Variants in ZFAT observed in about 807,000 individuals in gnomAD.
ZFAT encodes zinc finger protein ZFAT.
In ZFAT, 64 loss-of-function variants were observed where a neutral mutation model predicts 117.7. That is an observed-to-expected ratio of 0.54 (90% CI 0.44 to 0.67). The LOEUF (loss-of-function observed/expected upper bound fraction) is 0.67, where lower values mean the gene tolerates loss of function less well. Among genes scored for constraint, ZFAT ranks in the 30% least tolerant of loss-of-function variants. ZFAT has a pLI of 0.00. For missense variants in ZFAT, 1,433 were observed against 1,584.5 expected, an observed-to-expected ratio of 0.90 and a Z score of 1.62; for synonymous variants, 679 against 615.0, an observed-to-expected ratio of 1.10 and a Z score of -1.54.
At chr8:134,623,423 C>T (rs950388775) in intron 3 of ZFAT, among the ~76,000 whole-genome samples, 5 of 152,172 alleles carry the variant, frequency 3.3e-5, no homozygotes, top group Admixed American at 1.3e-4. Flanking sequence ...CCACGTGGGG[C>T]GGCATGCCCT....
the ZFAT span, chr8:134,798,284 C>G: frequency 6.6e-6 from 1 of 151,888 alleles, no homozygotes; most frequent in African/African-American, 2.4e-5. Context: ...CCAAAATTAT[C>G]AAAGACATCC....
At position 134,619,206 on chromosome 8, in the gene ZFAT, T is replaced by C. The variant is rs139857906; in HGVS notation, c.449-8551A>G. Among the ~76,000 whole-genome samples the C allele has an allele frequency of 1.4e-3, 218 of 152,230 alleles. 1 individual carries two copies. Among genetic ancestry groups the C allele is most frequent in the African/African-American group, 5.1e-3 (212 of 41,552 alleles). On this transcript the variant is annotated intron_variant, in intron 3 of 15. Transcript: ENST00000377838. ...TGTGCTCAGAACACTTACATTAGCC[T>C]AGAGTTGGGCAAAACCATTTCACAC...
At chr8:134,739,549 G>A in the ZFAT span, among the ~76,000 whole-genome samples, 4 of 152,144 alleles carry the variant, frequency 2.6e-5, no homozygotes, top group Non-Finnish European at 5.9e-5. Flanking sequence ...GTGTTGGAAG[G>A]CCCAGATTCA....
At chr8:134,683,634 G>A (rs1359178653) in intron 1 of ZFAT, among the ~76,000 whole-genome samples, 1 of 152,188 alleles carries the variant, frequency 6.6e-6, no homozygotes, top group Non-Finnish European at 1.5e-5. Flanking sequence ...AGTGTGGAAA[G>A]AGGACAGGTT....
At chr8:134,670,750 A>T (rs960954722) in intron 1 of ZFAT, among the ~76,000 whole-genome samples, 2 of 152,266 alleles carry the variant, frequency 1.3e-5, no homozygotes, top group African/African-American at 4.8e-5. Flanking sequence ...AATAACTAAG[A>T]TCAGAGAAGA....
At position 134,520,987 on chromosome 8, in the gene ZFAT, G is replaced by A. The variant is rs759745168; in HGVS notation, c.3130C>T (p.Pro1044Ser). 9 of 1,613,216 alleles carry A rather than the reference G, an allele frequency of 5.6e-6. No homozygotes were observed. In the East Asian group the frequency reaches 1.3e-4, roughly 24 times the overall value. ...GTGCCATATACAAAGCTGCAAACAG[G>A]ACACTTCAAACCACCTGAAAGCACA... ...VLIQQGGLKC[P>S]VCSFVYGTKW... Residue 1044 changes from proline to serine, a missense_variant, in exon 13 of 16, where the codon CCT (proline) becomes TCT (serine). By Grantham distance (74) the Pro-to-Ser change is moderately conservative. Transcript: ENST00000377838.
At chr8:134,525,488 A>T (rs1196147153) in intron 12 of ZFAT, among the ~76,000 whole-genome samples, 2 of 152,190 alleles carry the variant, frequency 1.3e-5, no homozygotes, top group Non-Finnish European at 2.9e-5. Context: ...TGTCTGGACA[A>T]ATTATACCAG....
chr8:134,596,686 C>T (rs1209392166), intron 7 of ZFAT, among the ~76,000 whole-genome samples: 1 of 152,046 alleles, frequency 6.6e-6, no homozygotes, highest in African/African-American at 2.4e-5. Context: ...GCAGTGTATC[C>T]ATGCAATGGA....
intron 12 of ZFAT, among the ~76,000 whole-genome samples, chr8:134,522,290 C>G (rs2130481816): frequency 6.6e-6 from 1 of 152,348 alleles, no homozygotes; most frequent in African/African-American, 2.4e-5. Flanking sequence ...AATTTGGCAC[C>G]TGGCCCTCTC....
At position 134,637,568 on chromosome 8, in the gene ZFAT, C is replaced by T. The variant is rs1357583581; in HGVS notation, c.341G>A (p.Ser114Asn). 6.2e-7 allele frequency: 1 copy of T among 1,614,146 alleles called. No individual in the cohort carries two copies. Among genetic ancestry groups the T allele is most frequent in the East Asian group, 2.2e-5 (1 of 44,892 alleles). The change falls in exon 3 of 16, where the codon AGC (serine) becomes AAC (asparagine). Residue 114 changes from serine (S) to asparagine (N), a missense_variant. Coordinates refer to ENST00000377838, the MANE Select transcript of ZFAT (RefSeq NM_020863.4). ...ACAGCACTTGCTACACTCCAAGCTGCTTGGAGGCAGGCTGTTCCCTTCCTC... is the reference window on the plus strand; with the variant it reads ...ACAGCACTTGCTACACTCCAAGCTGTTTGGAGGCAGGCTGTTCCCTTCCTC... ...APEEGNSLPPSSLECSKCCRK... is the reference protein window; with the variant it reads ...APEEGNSLPPNSLECSKCCRK...
At chr8:134,623,742 A>G (rs1182463922) in intron 3 of ZFAT, among the ~76,000 whole-genome samples, 1 of 151,972 alleles carries the variant, frequency 6.6e-6, no homozygotes, top group African/African-American at 2.4e-5. Context: ...TTCCTCTTGC[A>G]AGGGTAGTAC....
chr8:134,750,340 G>GT, the ZFAT span, among the ~76,000 whole-genome samples: 2 of 89,140 alleles, frequency 2.2e-5, no homozygotes, highest in Non-Finnish European at 4.6e-5. Context: ...TTTGTTATCA[G>GT]TAATAGTTTA....
chr8:134,504,955 C>T (rs992853703), intron 15 of ZFAT, among the ~76,000 whole-genome samples: 6 of 152,202 alleles, frequency 3.9e-5, no homozygotes, highest in African/African-American at 1.2e-4. Flanking sequence ...CACCTGCCCC[C>T]ACCCCAGACC....
chr8:134,615,985 T>C (rs1828701370), intron 3 of ZFAT, among the ~76,000 whole-genome samples: 2 of 152,186 alleles, frequency 1.3e-5, no homozygotes, highest in Non-Finnish European at 2.9e-5. Context: ...CAGGTGCATT[T>C]AGGGAGTATC....
intron 11 of ZFAT, among the ~76,000 whole-genome samples, chr8:134,555,868 C>T (rs1473476640): frequency 1.3e-5 from 2 of 148,832 alleles, no homozygotes; most frequent in East Asian, 2.0e-4. Context: ...AATAGAGAAA[C>T]AAAAACTACA....
At chr8:134,609,584 G>C (rs1480170656) in intron 4 of ZFAT, among the ~76,000 whole-genome samples, 1 of 152,144 alleles carries the variant, frequency 6.6e-6, no homozygotes, top group Non-Finnish European at 1.5e-5. Context: ...TAAATAATGA[G>C]TTACTCTTAG....
chr8:134,814,685 C>T, the ZFAT span, among the ~76,000 whole-genome samples: 1 of 152,220 alleles, frequency 6.6e-6, no homozygotes, highest in South Asian at 2.1e-4. Flanking sequence ...TCATGCCCTC[C>T]ACAACACACT....
At chr8:134,774,502 C>T in the ZFAT span, among the ~76,000 whole-genome samples, 1 of 152,130 alleles carries the variant, frequency 6.6e-6, no homozygotes, top group African/African-American at 2.4e-5. Flanking sequence ...GACACCACAC[C>T]AGGAAAATGA....
intron 3 of ZFAT, among the ~76,000 whole-genome samples, chr8:134,617,196 G>T (rs926449957): frequency 2.6e-5 from 4 of 152,142 alleles, no homozygotes; most frequent in Non-Finnish European, 5.9e-5. Context: ...TCAGCATCTG[G>T]TGGTTCTAGA....
Sources: allele counts gnomAD v4.1 joint callset (sites outside exome capture counted in the v4.1 genomes callset), GRCh38; gene constraint gnomAD v4.1.1; transcripts MANE v1.5; gene names NCBI Gene and HGNC (gene_info 2026-07-23, HGNC 2026-07-21).